The following TMTC2 variants were observed in gnomAD, a reference collection of about 807,000 sequenced individuals.
The protein encoded by TMTC2 is protein O-mannosyl-transferase TMTC2.
In TMTC2, 43 loss-of-function variants were observed where a neutral mutation model predicts 82.4. That is an observed-to-expected ratio of 0.52 (90% CI 0.41 to 0.67). TMTC2 has a LOEUF of 0.67. Ranked by LOEUF, TMTC2 falls within the 30% of genes least tolerant of loss-of-function variation. TMTC2 has a pLI of 0.00. For missense variants in TMTC2, 919 were observed against 1,012.4 expected (o/e 0.91, Z 1.25); for synonymous variants, 408 against 381.9 (o/e 1.07, Z -0.80).
chr12:82,997,370 A>ATATATATATATGTGTATATATATATGTG (rs1175103186), intron 8 of TMTC2, among the ~76,000 whole-genome samples: 1 of 17,380 alleles, frequency 5.8e-5, no homozygotes, highest in Non-Finnish European at 1.5e-4. Flanking sequence ...ATATATGTGT[A>ATATATATATATGTGTATATATATATGTG]TATATATATA....
chr12:82,695,933 A>G (rs905391643), intron 1 of TMTC2, among the ~76,000 whole-genome samples: 14 of 152,164 alleles, frequency 9.2e-5, no homozygotes, highest in African/African-American at 3.4e-4. Flanking sequence ...CTGCATTCCT[A>G]TCTTCAGCTT....
chr12:83,051,385 AG>A (rs1488647727), intron 10 of TMTC2, among the ~76,000 whole-genome samples: 3 of 152,036 alleles, frequency 2.0e-5, no homozygotes, highest in Admixed American at 1.3e-4. Flanking sequence ...AATGTGGCCC[AG>A]GGAAGCCAAA....
At chr12:82,867,623 A>G (rs1321887273) in intron 2 of TMTC2, among the ~76,000 whole-genome samples, 4 of 152,222 alleles carry the variant, frequency 2.6e-5, no homozygotes, top group Admixed American at 2.6e-4. Context: ...TTTAAACATA[A>G]TTCAATTTTG....
At chr12:83,068,244 G>C (rs1882989004) in intron 11 of TMTC2, among the ~76,000 whole-genome samples, 1 of 151,922 alleles carries the variant, frequency 6.6e-6, no homozygotes, top group South Asian at 2.1e-4. Context: ...TGAGCTCTGG[G>C]GGAAAAGATT....
rs1340244602 is a variant in TMTC2 at position 82,895,804 on chromosome 12, T to C, written c.655-14T>C. 8.2e-6 allele frequency: 13 copies of C among 1,585,840 alleles called. No homozygotes were observed. The highest frequency in any genetic ancestry group is 1.1e-5 in the Non-Finnish European group (13 of 1,166,588). On this transcript the variant is annotated splice_polypyrimidine_tract_variant and intron_variant, in intron 2 of 11. Coordinates refer to ENST00000321196, the MANE Select transcript of TMTC2 (RefSeq NM_152588.3). Reference sequence around the variant, plus strand: ...TAATAATCTTAATTTTTCCCTTCTCTCTTTTGGTTTCAGAGGAAGAACTTG... The same window carrying C: ...TAATAATCTTAATTTTTCCCTTCTCCCTTTTGGTTTCAGAGGAAGAACTTG...
intron 2 of TMTC2, among the ~76,000 whole-genome samples, chr12:82,885,889 A>G (rs772633133): frequency 6.6e-5 from 10 of 152,188 alleles, no homozygotes; most frequent in Admixed American, 6.5e-4. Flanking sequence ...GGAAGTCACT[A>G]TGCACAGACC....
At chr12:82,951,070 C>T (rs1235450802) in intron 4 of TMTC2, among the ~76,000 whole-genome samples, 1 of 152,184 alleles carries the variant, frequency 6.6e-6, no homozygotes, top group Non-Finnish European at 1.5e-5. Flanking sequence ...GAGGGCTTAA[C>T]TGTATTTTCT....
At chr12:82,955,489 T>C (rs1392946520) in intron 4 of TMTC2, among the ~76,000 whole-genome samples, 2 of 152,092 alleles carry the variant, frequency 1.3e-5, no homozygotes, top group Admixed American at 6.6e-5. Context: ...AAAGACAGGG[T>C]TGTTAGGGGA....
intron 2 of TMTC2, among the ~76,000 whole-genome samples, chr12:82,860,270 C>A (rs926635436): frequency 1.3e-5 from 2 of 152,142 alleles, no homozygotes; most frequent in Non-Finnish European, 2.9e-5. Context: ...CCACGTCCAG[C>A]CCATTTTATA....
At chr12:82,899,822 ATATAGGAATATAT>A (rs1873896064) in intron 3 of TMTC2, among the ~76,000 whole-genome samples, 36 of 144,136 alleles carry the variant, frequency 2.5e-4, no homozygotes, top group African/African-American at 8.6e-4. Context: ...CGGAATATAG[ATATAGGAATATAT>A]ATACATATCC....
chr12:82,960,829 TA>T (rs34471312), intron 4 of TMTC2, among the ~76,000 whole-genome samples: 141,911 of 151,830 alleles, frequency 0.93, 66,326 homozygotes, highest in East Asian at 1. Flanking sequence ...TTTTTTAATT[TA>T]AAAAAAATGT....
At chr12:83,129,406 A>G (rs1485935355) in intron 11 of TMTC2, among the ~76,000 whole-genome samples, 1 of 152,234 alleles carries the variant, frequency 6.6e-6, no homozygotes, top group Non-Finnish European at 1.5e-5. Flanking sequence ...TTTAGAACTC[A>G]TTCATCAGAA....
At chr12:82,919,342 A>G (rs1408230655) in intron 3 of TMTC2, among the ~76,000 whole-genome samples, 3 of 152,184 alleles carry the variant, frequency 2.0e-5, no homozygotes, top group Admixed American at 2.0e-4. Context: ...CTCCCAATGC[A>G]GTTACATTGG....
At chr12:82,711,287 C>G (rs530404483) in intron 1 of TMTC2, among the ~76,000 whole-genome samples, 1 of 152,134 alleles carries the variant, frequency 6.6e-6, no homozygotes, top group Non-Finnish European at 1.5e-5. Flanking sequence ...GGATCACCTA[C>G]GCTAACAGAA....
intron 8 of TMTC2, among the ~76,000 whole-genome samples, chr12:83,020,802 A>G (rs1880884335): frequency 6.6e-6 from 1 of 152,196 alleles, no homozygotes. Context: ...ATACAAGTGA[A>G]CAGATGTAGA....
At position 82,721,801 on chromosome 12, in the gene TMTC2, T is replaced by C. The variant is rs1270662460; in HGVS notation, c.83+34132T>C. ...TATGTGTGACTATTTACGTAGCATG[T>C]AACCTTTTATTCTAAGTGTTTTTCC... On this transcript the variant is annotated intron_variant, in intron 1 of 11. Coordinates refer to ENST00000321196, the MANE Select transcript of TMTC2 (RefSeq NM_152588.3). 2.0e-5 allele frequency among the ~76,000 whole-genome samples: 3 copies of C among 152,250 alleles called. No individual in the cohort carries two copies. In the East Asian group the frequency reaches 5.8e-4, roughly 29 times the overall value.
At chr12:82,789,371 A>T (rs1452694326) in intron 1 of TMTC2, among the ~76,000 whole-genome samples, 4 of 152,164 alleles carry the variant, frequency 2.6e-5, no homozygotes, top group Non-Finnish European at 4.4e-5. Flanking sequence ...AATAGGCTTA[A>T]GTATACTATA....
intron 3 of TMTC2, among the ~76,000 whole-genome samples, chr12:82,927,247 A>G (rs1010353003): frequency 2.0e-5 from 3 of 152,194 alleles, no homozygotes; most frequent in Non-Finnish European, 4.4e-5. Flanking sequence ...ATTTGGAAGA[A>G]GTTGATTCCA....
intron 7 of TMTC2, among the ~76,000 whole-genome samples, chr12:82,980,853 A>C (rs1878885124): frequency 6.6e-6 from 1 of 151,862 alleles, no homozygotes; most frequent in Non-Finnish European, 1.5e-5. Context: ...CTTCATTCTG[A>C]AGCACGATGT....
Sources: gnomAD v4.1 joint callset for allele counts (sites outside exome capture counted in the v4.1 genomes callset) on GRCh38, gnomAD v4.1.1 for gene constraint, MANE v1.5 for transcripts, NCBI Gene and HGNC (gene_info 2026-07-23, HGNC 2026-07-21) for gene names.